Variants in ATXN7L1 observed in about 807,000 individuals in gnomAD.
ATXN7L1 encodes ataxin-7-like protein 1.
In ATXN7L1, 15 loss-of-function variants were observed where a neutral mutation model predicts 70.8. The ratio of observed to expected loss-of-function variants is 0.21; its 90% CI spans 0.14 to 0.33. The LOEUF is 0.33. Ranked by LOEUF, ATXN7L1 falls within the 10% of genes least tolerant of loss-of-function variation. The pLI is 1.00. For missense variants in ATXN7L1, 975 were observed against 1,097.1 expected (o/e 0.89, Z 1.57); for synonymous variants, 440 against 445.1 (o/e 0.99, Z 0.14).
At chr7:105,655,763 C>T (rs1415280495) in intron 4 of ATXN7L1, among the ~76,000 whole-genome samples, 1 of 152,210 alleles carries the variant, frequency 6.6e-6, no homozygotes, top group East Asian at 1.9e-4. Flanking sequence ...GGGAAGACTT[C>T]CAGAGTGCTT....
intron 4 of ATXN7L1, among the ~76,000 whole-genome samples, chr7:105,658,605 G>A (rs1054601806): frequency 9.0e-5 from 13 of 144,950 alleles, no homozygotes; most frequent in South Asian, 2.2e-4. Flanking sequence ...ATCTTGGCTC[G>A]CCGCAACCTC....
chr7:105,834,513 C>T (rs1812081981), intron 2 of ATXN7L1, among the ~76,000 whole-genome samples: 1 of 152,154 alleles, frequency 6.6e-6, no homozygotes, highest in Admixed American at 6.5e-5. Context: ...ATCTGTGTGC[C>T]TAATGTTTGC....
rs866663212 is a variant in ATXN7L1 at position 105,662,071 on chromosome 7, C to T, written c.578+2995G>A. 6.5e-3 allele frequency among the ~76,000 whole-genome samples: 450 copies of T among 68,942 alleles called. 6 individuals carry two copies. Among genetic ancestry groups the T allele is most frequent in the South Asian group, 0.033 (43 of 1,320 alleles). 45.2% of individuals were successfully genotyped at this position (68,942 alleles called of 152,430 possible). ...CCTTCCTTCCTTCCTTCCTTCCTTC[C>T]TTCCTTCCTTCTTTCTTTTCTTTTC... On this transcript the variant is annotated intron_variant, in intron 4 of 11. Coordinates refer to ENST00000419735, the MANE Select transcript of ATXN7L1 (RefSeq NM_020725.2).
At chr7:105,625,355 A>T (rs1795542723) in intron 7 of ATXN7L1, among the ~76,000 whole-genome samples, 1 of 152,060 alleles carries the variant, frequency 6.6e-6, no homozygotes, top group South Asian at 2.1e-4. Flanking sequence ...GGTTGAAGCA[A>T]TTCTCCTGCC....
intron 2 of ATXN7L1, among the ~76,000 whole-genome samples, chr7:105,835,029 A>G (rs1243863210): frequency 6.6e-6 from 1 of 151,640 alleles, no homozygotes; most frequent in Non-Finnish European, 1.5e-5. Context: ...ACCCTTAAAC[A>G]GAATGAGGTC....
chr7:105,838,917 C>G (rs1812802794), intron 2 of ATXN7L1, among the ~76,000 whole-genome samples: 1 of 152,208 alleles, frequency 6.6e-6, no homozygotes, highest in African/African-American at 2.4e-5. Flanking sequence ...GAACCTCAGT[C>G]ACTCCCAACA....
intron 3 of ATXN7L1, among the ~76,000 whole-genome samples, chr7:105,708,911 C>T (rs536037545): frequency 5.2e-4 from 79 of 152,244 alleles, no homozygotes; most frequent in African/African-American, 1.7e-3. Flanking sequence ...TTTAGCAGAC[C>T]CAATTCAGAA....
intron 8 of ATXN7L1, among the ~76,000 whole-genome samples, chr7:105,622,242 C>G (rs572263126): frequency 6.6e-6 from 1 of 152,210 alleles, no homozygotes; most frequent in Non-Finnish European, 1.5e-5. Context: ...CGCCACATCC[C>G]GAGTTTAGCG....
intron 3 of ATXN7L1, among the ~76,000 whole-genome samples, chr7:105,781,515 T>C (rs1194433774): frequency 6.6e-6 from 1 of 152,232 alleles, no homozygotes; most frequent in Non-Finnish European, 1.5e-5. Context: ...GGATTCTCTC[T>C]GGGCTGAGGT....
intron 3 of ATXN7L1, among the ~76,000 whole-genome samples, chr7:105,787,622 A>G (rs1415061487): frequency 6.6e-6 from 1 of 152,238 alleles, no homozygotes. Flanking sequence ...TTATTATAGA[A>G]TAATGATAAC....
At chr7:105,702,526 TACACACACACAGACCCACAACACACAC>T (rs1563019092) in intron 3 of ATXN7L1, among the ~76,000 whole-genome samples, 1 of 145,916 alleles carries the variant, frequency 6.9e-6, no homozygotes, top group Admixed American at 6.8e-5. Context: ...CCCAGCCCCT[TACACACACACAGACCCACAACACACAC>T]ACACACACAC....
chr7:105,633,284 A>C (rs1226884604), intron 7 of ATXN7L1, among the ~76,000 whole-genome samples: 1 of 152,354 alleles, frequency 6.6e-6, no homozygotes, highest in East Asian at 1.9e-4. Context: ...ACTAAGAAGG[A>C]GGCAGTCACT....
intron 3 of ATXN7L1, among the ~76,000 whole-genome samples, chr7:105,730,167 TC>T (rs1274313839): frequency 3.9e-5 from 6 of 152,080 alleles, no homozygotes; most frequent in Non-Finnish European, 8.8e-5. Flanking sequence ...AAATACTGCC[TC>T]AAACACTACC....
intron 2 of ATXN7L1, among the ~76,000 whole-genome samples, chr7:105,825,974 C>T (rs923123909): frequency 1.3e-5 from 2 of 152,130 alleles, no homozygotes; most frequent in African/African-American, 4.8e-5. Context: ...GTGTGACAGC[C>T]AAACCCTCCG....
At chr7:105,795,551 A>T (rs888787870) in intron 2 of ATXN7L1, among the ~76,000 whole-genome samples, 5 of 152,186 alleles carry the variant, frequency 3.3e-5, no homozygotes, top group African/African-American at 1.2e-4. Flanking sequence ...AGACTTTGAC[A>T]TTATGAAGCA....
chr7:105,836,434 G>T (rs535865372), intron 2 of ATXN7L1, among the ~76,000 whole-genome samples: 1 of 152,318 alleles, frequency 6.6e-6, no homozygotes, highest in Admixed American at 6.5e-5. Flanking sequence ...AGGAGAGAGT[G>T]ATTAGGGAGA....
At chr7:105,870,154 T>C (rs368009154) in intron 2 of ATXN7L1, among the ~76,000 whole-genome samples, 105 of 152,060 alleles carry the variant, frequency 6.9e-4, no homozygotes, top group African/African-American at 2.4e-3. Flanking sequence ...TGGTGGTGGG[T>C]ACCTGTAGTC....
chr7:105,641,030 C>G (rs1798093589), intron 5 of ATXN7L1, among the ~76,000 whole-genome samples: 2 of 152,138 alleles, frequency 1.3e-5, no homozygotes, highest in South Asian at 4.1e-4. Context: ...TCAGATTATA[C>G]CATAATAAAT....
chr7:105,777,596 C>G (rs1239840811), intron 3 of ATXN7L1, among the ~76,000 whole-genome samples: 1 of 152,210 alleles, frequency 6.6e-6, no homozygotes, highest in Non-Finnish European at 1.5e-5. Context: ...TCCATTCTGT[C>G]AGCAAATTCT....
Sources: gnomAD v4.1 joint callset for allele counts (sites outside exome capture counted in the v4.1 genomes callset) on GRCh38, gnomAD v4.1.1 for gene constraint, MANE v1.5 for transcripts, NCBI Gene and HGNC (gene_info 2026-07-23, HGNC 2026-07-21) for gene names.